ANAPC5: variants seen among roughly 807,000 people sequenced by gnomAD.
ANAPC5 encodes anaphase-promoting complex subunit 5.
A neutral mutation model predicts 91.3 loss-of-function variants in ANAPC5; 60 were observed. The observed-to-expected ratio is 0.66, with a 90% CI of 0.53 to 0.81. The LOEUF (loss-of-function observed/expected upper bound fraction) is 0.81, where lower values mean the gene tolerates loss of function less well. Among genes scored for constraint, ANAPC5 ranks in the 40% least tolerant of loss-of-function variants. The pLI, the probability that ANAPC5 is intolerant of heterozygous loss-of-function variation, is 0.00. For synonymous variants in ANAPC5, 340 were observed against 364.1 expected (o/e 0.93, Z 0.75); for missense variants, 690 against 931.5 (o/e 0.74, Z 3.37).
At chr12:121,353,570 A>T (rs1903986041), upstream of ANAPC5, among the ~76,000 whole-genome samples, 4 of 152,068 alleles carry the variant, frequency 2.6e-5, no homozygotes, top group South Asian at 8.3e-4. Flanking sequence ...CCTACCGAGT[A>T]GCTGGGACTA....
chr12:121,349,785 G>A (rs1903813391), intron 1 of ANAPC5, among the ~76,000 whole-genome samples: 1 of 146,532 alleles, frequency 6.8e-6, no homozygotes, highest in Non-Finnish European at 1.5e-5. Flanking sequence ...TCAGCTCACT[G>A]CAACCTCCAC....
intron 2 of ANAPC5, 37 bp downstream of exon 2, chr12:121,347,765 A>C: frequency 6.7e-7 from 1 of 1,494,978 alleles, no homozygotes; most frequent in East Asian, 2.3e-5. Context: ...ATCTACCTTC[A>C]CACCTTTTCA....
intron 5 of ANAPC5, among the ~76,000 whole-genome samples, chr12:121,340,727 G>A (rs1176796009): frequency 3.3e-5 from 2 of 61,038 alleles, no homozygotes; most frequent in Non-Finnish European, 1.6e-4. Flanking sequence ...TAATTTTTGT[G>A]TGTGTGTTTT....
At chr12:121,334,445 C>T (rs1903152233) in intron 7 of ANAPC5, 2 of 152,204 alleles carry the variant, frequency 1.3e-5, no homozygotes, top group Admixed American at 6.6e-5. Context: ...AAAGACCACA[C>T]TTCTCTCAAC....
chr12:121,327,058 A>G, intron 11 of ANAPC5, 38 bp downstream of exon 11: 2 of 1,562,048 alleles, frequency 1.3e-6, no homozygotes, highest in Non-Finnish European at 1.7e-6. Flanking sequence ...TAGAGCCTCC[A>G]TTGCTCCAGA....
chr12:121,318,139 T>C, intron 15 of ANAPC5, 138 bp downstream of exon 15: 1 of 1,093,088 alleles, frequency 9.1e-7, no homozygotes, highest in East Asian at 3.0e-5. Context: ...TTGGAGGGCT[T>C]GCACAGGAAG....
At chr12:121,340,498 T>TAA (rs1555273990) in intron 5 of ANAPC5, among the ~76,000 whole-genome samples, 1 of 152,012 alleles carries the variant, frequency 6.6e-6, no homozygotes, top group African/African-American at 2.4e-5. Context: ...CAGGTTTTTC[T>TAA]AATCTGTTTG....
At chr12:121,331,257 TC>T (rs1903032287) in intron 8 of ANAPC5, 89 bp downstream of exon 8, 2 of 1,130,480 alleles carry the variant, frequency 1.8e-6, no homozygotes, top group Non-Finnish European at 2.6e-6. Flanking sequence ...AGATCTCTGC[TC>T]CAACTGCAAA....
chr12:121,317,988 C>T (rs1473060235), intron 15 of ANAPC5: 1 of 253,142 alleles, frequency 4.0e-6, no homozygotes, highest in Non-Finnish European at 7.4e-6. Flanking sequence ...TCAAGCATCA[C>T]TCTGTGTCAG....
At chr12:121,321,473 GC>G (rs1486742666) in intron 11 of ANAPC5, among the ~76,000 whole-genome samples, 1 of 143,970 alleles carries the variant, frequency 6.9e-6, no homozygotes, top group Non-Finnish European at 1.5e-5. Context: ...TCTCATCTCA[GC>G]CTCCCGAGTA....
At chr12:121,327,560 T>G in intron 10 of ANAPC5, 1 of 275,872 alleles carries the variant, frequency 3.6e-6, no homozygotes, top group Admixed American at 6.2e-5. Context: ...CCCGATGCCA[T>G]CCTGGCACAG....
At chr12:121,345,743 A>T in intron 4 of ANAPC5, 96 bp downstream of exon 4, 1 of 1,286,568 alleles carries the variant, frequency 7.8e-7, no homozygotes, top group African/African-American at 1.5e-5. Flanking sequence ...AAAAGGGCAT[A>T]AGCCAGCACG....
At chr12:121,315,026 G>A (rs1387590635) in intron 15 of ANAPC5, among the ~76,000 whole-genome samples, 1 of 151,810 alleles carries the variant, frequency 6.6e-6, no homozygotes, top group Non-Finnish European at 1.5e-5. Flanking sequence ...GAATGGAAGA[G>A]GTAAAACTAT....
upstream of ANAPC5, among the ~76,000 whole-genome samples, chr12:121,353,276 C>A (rs1261930144): frequency 6.6e-6 from 1 of 152,178 alleles, no homozygotes; most frequent in African/African-American, 2.4e-5. Flanking sequence ...TTTCACAATT[C>A]CCCTTCCGTT....
In ANAPC5 at chr12:121,328,426, C is replaced by T; in HGVS notation, c.1194G>A (p.Leu398=). ...RAFAGKTANK[L]MDALKDSDLL... is the part of the protein sequence containing the mutation. Reference sequence around the variant, plus strand: ...GGTCGGAGTCCTTTAGGGCATCCATCAGCTTGTTTGCCGTCTTCCCAGCAA... The same window carrying T: ...GGTCGGAGTCCTTTAGGGCATCCATTAGCTTGTTTGCCGTCTTCCCAGCAA... The change falls in exon 10 of 17, where the codon CTG becomes CTA. Residue 398 remains leucine, a synonymous_variant. Transcript: ENST00000261819. 2 of 1,613,880 alleles carry T rather than the reference C, an allele frequency of 1.2e-6. No individual in the cohort carries two copies. Among genetic ancestry groups the T allele is most frequent in the Non-Finnish European group, 1.7e-6 (2 of 1,180,004 alleles).
chr12:121,345,358 T>C (rs149413106), intron 4 of ANAPC5, among the ~76,000 whole-genome samples: 186 of 152,212 alleles, frequency 1.2e-3, no homozygotes, highest in African/African-American at 4.2e-3. Flanking sequence ...CACATTCAAA[T>C]TGAGTAGTCT....
intron 15 of ANAPC5, among the ~76,000 whole-genome samples, chr12:121,317,413 C>A (rs1299739614): frequency 1.3e-5 from 2 of 149,540 alleles, no homozygotes; most frequent in African/African-American, 5.1e-5. Context: ...GCCACCACGC[C>A]CGGCTAATTT....
At chr12:121,347,113 G>T (rs1593607230) in intron 2 of ANAPC5, 108 bp from the exon 3 acceptor site, 5 of 608,668 alleles carry the variant, frequency 8.2e-6, no homozygotes, top group South Asian at 7.9e-5. Context: ...GCAATTCAGA[G>T]ATTTGTATAA....
At chr12:121,314,149 C>G (rs900722434) in intron 15 of ANAPC5, among the ~76,000 whole-genome samples, 2 of 152,178 alleles carry the variant, frequency 1.3e-5, no homozygotes, top group Admixed American at 6.5e-5. Context: ...CGCCTGTAAT[C>G]CCAGTACCTT....
Sources: gnomAD v4.1 joint callset for allele counts (sites outside exome capture counted in the v4.1 genomes callset) on GRCh38, gnomAD v4.1.1 for gene constraint, MANE v1.5 for transcripts, NCBI Gene and HGNC (gene_info 2026-07-23, HGNC 2026-07-21) for gene names.